Variants in CPO observed in about 807,000 individuals in gnomAD.
The protein encoded by CPO is metallocarboxypeptidase C.
Under a neutral mutation model 41.2 loss-of-function variants are expected in CPO, and 43 were observed. The ratio of observed to expected loss-of-function variants is 1.04; its 90% confidence interval spans 0.82 to 1.35. The LOEUF (loss-of-function observed/expected upper bound fraction) is 1.35. CPO is among the 40% of genes most tolerant of loss of function. The pLI is 0.00. For synonymous variants in CPO, 178 were observed against 162.7 expected (o/e 1.09, Z -0.72); for missense variants, 408 against 451.7 (o/e 0.90, Z 0.88).
At chr2:206,968,378 A>T (rs773804543) in intron 8 of CPO, 31 bp downstream of exon 8, 1 of 1,282,048 alleles carries the variant, frequency 7.8e-7, no homozygotes, top group Admixed American at 1.7e-5. Context: ...CTTCAATAGT[A>T]TCTAAGGCAC....
intron 1 of CPO, among the ~76,000 whole-genome samples, chr2:206,947,994 A>G (rs758058972): frequency 2.6e-5 from 4 of 152,252 alleles, no homozygotes; most frequent in Non-Finnish European, 5.9e-5. Flanking sequence ...AAAATGGTAC[A>G]GCCACTTTGG....
intron 8 of CPO, among the ~76,000 whole-genome samples, 173 bp from the exon 9 acceptor site, chr2:206,969,001 C>G (rs1693633511): frequency 6.6e-6 from 1 of 152,182 alleles, no homozygotes; most frequent in Non-Finnish European, 1.5e-5. Context: ...GACGTGGTTC[C>G]CACCCTGCAG....
At chr2:206,962,274 T>C in intron 6 of CPO, 138 bp from the exon 7 acceptor site, 1 of 713,962 alleles carries the variant, frequency 1.4e-6, no homozygotes, top group Non-Finnish European at 2.4e-6. Context: ...TTGACTAATT[T>C]AGCCTGGACT....
At position 206,940,447 on chromosome 2, in the gene CPO, C is replaced by T. The variant is rs150012345; in HGVS notation, c.68+780C>T. ...ACTTTTTAAGTGTTTGGCAAATTGA[C>T]AAGTAAAAAATACACATTGTTGACT... On this transcript the variant is annotated intron_variant, in intron 1 of 8. Transcript: ENST00000272852. 2.6e-5 allele frequency among the ~76,000 whole-genome samples: 4 copies of T among 152,094 alleles called. No individual in the cohort carries two copies. The East Asian group carries it at 5.8e-4, about 22-fold the overall frequency.
chr2:206,961,038 C>T, intron 6 of CPO, 96 bp downstream of exon 6: 1 of 875,734 alleles, frequency 1.1e-6, no homozygotes, highest in South Asian at 1.4e-5. Context: ...AAAATAACAT[C>T]TAATATGGTA....
At chr2:206,949,287 G>A (rs753611489) in intron 1 of CPO, among the ~76,000 whole-genome samples, 30 of 152,126 alleles carry the variant, frequency 2.0e-4, no homozygotes, top group Non-Finnish European at 2.8e-4. Context: ...TGCATGTCTC[G>A]TAAGTTTCAC....
chr2:206,958,452 T>C (rs1197928567), intron 4 of CPO, 47 bp downstream of exon 4: 1 of 1,022,906 alleles, frequency 9.8e-7, no homozygotes, highest in Non-Finnish European at 1.5e-6. Context: ...CCCCATAAAA[T>C]ATCTGTCACT....
chr2:206,962,039 GCAGTGAGCAGAGATGGCAC>G (rs1225632926), intron 6 of CPO, among the ~76,000 whole-genome samples: 2 of 149,744 alleles, frequency 1.3e-5, no homozygotes, highest in African/African-American at 2.5e-5. Context: ...GGTGGAGCTT[GCAGTGAGCAGAGATGGCAC>G]CACTGCACTC....
At chr2:206,955,313 G>T (rs1420813009) in intron 2 of CPO, 150 bp from the exon 3 acceptor site, 9 of 638,216 alleles carry the variant, frequency 1.4e-5, no homozygotes, top group Admixed American at 2.4e-5. Context: ...AAGATGGGAG[G>T]TTGTTTTCTG....
intron 7 of CPO, among the ~76,000 whole-genome samples, chr2:206,964,463 C>A (rs1574356548): frequency 6.6e-6 from 1 of 152,162 alleles, no homozygotes; most frequent in East Asian, 1.9e-4. Flanking sequence ...TTAACTTTAT[C>A]ATCAGAACTC....
intron 1 of CPO, among the ~76,000 whole-genome samples, chr2:206,948,052 T>G (rs993658454): frequency 4.6e-5 from 7 of 152,208 alleles, no homozygotes; most frequent in Non-Finnish European, 1.0e-4. Context: ...TCTTACCATA[T>G]TATCCAACCA....
chr2:206,939,605 GCCT>G lies in CPO; in HGVS notation c.8_10del (p.Pro3del), dbSNP rs774086973. Reference sequence around the variant, plus strand: ...CTAACTTACTGTGTGGCAGAATGAAGCCTCTGCTTGAAACCCTTTATCTTTTGG... The same window carrying G: ...CTAACTTACTGTGTGGCAGAATGAAGCTGCTTGAAACCCTTTATCTTTTGG... On this transcript the variant is annotated inframe_deletion, in exon 1 of 9. Transcript: ENST00000272852. 2.1e-5 allele frequency: 34 copies of G among 1,610,822 alleles called. No individual in the cohort carries two copies. The highest frequency in any genetic ancestry group is 2.8e-5 in the Non-Finnish European group (33 of 1,177,678).
intron 1 of CPO, among the ~76,000 whole-genome samples, chr2:206,940,867 G>T (rs1479165841): frequency 6.6e-6 from 1 of 151,996 alleles, no homozygotes; most frequent in African/African-American, 2.4e-5. Flanking sequence ...CTTATCTTCA[G>T]TTCAATTTCA....
chr2:206,958,963 A>G (rs1693427041), intron 4 of CPO, among the ~76,000 whole-genome samples: 1 of 150,452 alleles, frequency 6.6e-6, no homozygotes, highest in South Asian at 2.1e-4. Flanking sequence ...CTGGTCTGGA[A>G]CCCCCGACCT....
intron 7 of CPO, among the ~76,000 whole-genome samples, chr2:206,967,343 A>ATATATATC (rs1559075231): frequency 1.2e-3 from 95 of 77,096 alleles, no homozygotes; most frequent in African/African-American, 4.2e-3. Flanking sequence ...ATATATATAT[A>ATATATATC]TATATATAGA....
At chr2:206,968,625 C>T (rs781369271) in intron 8 of CPO, among the ~76,000 whole-genome samples, 35 of 152,180 alleles carry the variant, frequency 2.3e-4, no homozygotes, top group Non-Finnish European at 4.4e-4. Flanking sequence ...CTAGAAGGCA[C>T]AAGAGTTAAC....
At chr2:206,960,357 G>A (rs1012563669) in intron 5 of CPO, among the ~76,000 whole-genome samples, 1 of 152,128 alleles carries the variant, frequency 6.6e-6, no homozygotes, top group African/African-American at 2.4e-5. Flanking sequence ...TGTGTGAATC[G>A]AGTTTTCCCT....
intron 1 of CPO, among the ~76,000 whole-genome samples, chr2:206,942,226 TATATAG>T (rs1326163681): frequency 6.6e-6 from 1 of 152,066 alleles, no homozygotes; most frequent in Non-Finnish European, 1.5e-5. Flanking sequence ...TACAAAATTA[TATATAG>T]ATATAATCTG....
chr2:206,942,894 A>G (rs528363818), intron 1 of CPO, among the ~76,000 whole-genome samples: 1 of 152,298 alleles, frequency 6.6e-6, no homozygotes, highest in Admixed American at 6.5e-5. Flanking sequence ...TATACAAGTG[A>G]TAAGCATTTT....
Sources: gnomAD v4.1 joint callset for allele counts (sites outside exome capture counted in the v4.1 genomes callset) on GRCh38, gnomAD v4.1.1 for gene constraint, MANE v1.5 for transcripts, NCBI Gene and HGNC (gene_info 2026-07-23, HGNC 2026-07-21) for gene names.